ANTXR2: variants seen among roughly 807,000 people sequenced by gnomAD.
ANTXR2 encodes anthrax toxin receptor 2.
Under a neutral mutation model 73.7 loss-of-function variants are expected in ANTXR2, and 44 were observed. That is an observed-to-expected ratio of 0.60 (90% CI 0.47 to 0.77). The LOEUF (loss-of-function observed/expected upper bound fraction) is 0.77. Ranked by LOEUF, ANTXR2 falls within the 30% of genes least tolerant of loss-of-function variation. ANTXR2 has a pLI of 0.00. For synonymous variants in ANTXR2, 217 were observed against 205.9 expected (o/e 1.05, Z -0.46); for missense variants, 604 against 592.5 (o/e 1.02, Z -0.20).
At chr4:80,001,671 T>C (rs1731048037) in intron 12 of ANTXR2, among the ~76,000 whole-genome samples, 1 of 150,748 alleles carries the variant, frequency 6.6e-6, no homozygotes, top group Admixed American at 6.7e-5. Flanking sequence ...CCATTATTAT[T>C]GTGTGGGAGT....
chr4:79,952,642 TATTA>T (rs1026685925), intron 16 of ANTXR2, among the ~76,000 whole-genome samples: 10 of 152,030 alleles, frequency 6.6e-5, no homozygotes, highest in Non-Finnish European at 7.4e-5. Flanking sequence ...TCATTAATAC[TATTA>T]ATTAATCCAA....
chr4:79,993,760 G>GCGCACA (rs71662888), intron 12 of ANTXR2, among the ~76,000 whole-genome samples: 127 of 140,766 alleles, frequency 9.0e-4, no homozygotes, highest in Middle Eastern at 3.8e-3. Context: ...ACACACACAC[G>GCGCACA]CACACACACA....
rs545327307 is a variant in ANTXR2, at chr4:80,012,672, T to G, written c.946-4056A>C. 1.4e-4 allele frequency among the ~76,000 whole-genome samples: 22 copies of G among 152,274 alleles called. No individual in the cohort carries two copies. In the South Asian group the frequency reaches 4.6e-3, roughly 32 times the overall value. On this transcript the variant is annotated intron_variant, in intron 11 of 16. Coordinates refer to ENST00000403729, the MANE Select transcript of ANTXR2 (RefSeq NM_058172.6). ...TGGGGGAGACAGACGTGGGTTCAAT[T>G]CTGAATTATAGCATTTATCAGACTG...
chr4:80,063,433 AT>A (rs11321139), intron 3 of ANTXR2, among the ~76,000 whole-genome samples: 89,204 of 151,432 alleles, frequency 0.59, 27,251 homozygotes, highest in African/African-American at 0.74. Context: ...TAATTTCAGC[AT>A]TTTTTTTTAT....
At chr4:79,996,361 G>T (rs1376536721) in intron 12 of ANTXR2, among the ~76,000 whole-genome samples, 1 of 151,870 alleles carries the variant, frequency 6.6e-6, no homozygotes, top group Non-Finnish European at 1.5e-5. Flanking sequence ...ATGGATGAAT[G>T]AATGAATTGA....
At chr4:80,046,039 G>A (rs1733500771) in intron 7 of ANTXR2, among the ~76,000 whole-genome samples, 1 of 151,694 alleles carries the variant, frequency 6.6e-6, no homozygotes, top group Non-Finnish European at 1.5e-5. Flanking sequence ...TGTCTTGCAA[G>A]TAAGCAAGGA....
rs973465044 is a variant in ANTXR2, at chr4:80,033,482, T to G, written c.786A>C (p.Thr262=). 6 of 1,598,998 alleles carry G rather than the reference T, an allele frequency of 3.8e-6. No homozygotes were observed. Among genetic ancestry groups the G allele is most frequent in the Non-Finnish European group, 4.3e-6 (5 of 1,173,738 alleles). Residue 262 remains threonine (T), a synonymous_variant, in exon 9 of 17, where the codon ACA becomes ACC. Transcript: ENST00000403729. ...SVLCTYTVNE[T]YTTSVKPVSV... is the part of the protein sequence containing the mutation. ...TTACTGGGGACCTACTCGTTGTATA[T>G]GTTTCATTTACAGTGTAAGTGCAGA... is the stretch of plus-strand genomic sequence containing the variant.
At chr4:79,954,455 T>C (rs1400881227) in intron 16 of ANTXR2, among the ~76,000 whole-genome samples, 5 of 152,094 alleles carry the variant, frequency 3.3e-5, no homozygotes, top group Admixed American at 6.6e-5. Context: ...TAAAAATTTG[T>C]AATTAAAAAC....
chr4:80,043,576 T>C (rs1733378422), intron 7 of ANTXR2, among the ~76,000 whole-genome samples: 1 of 152,030 alleles, frequency 6.6e-6, no homozygotes, highest in African/African-American at 2.4e-5. Flanking sequence ...ATTTATACAG[T>C]TCAGATAAGC....
chr4:79,981,633 A>C (rs370080179), intron 14 of ANTXR2, among the ~76,000 whole-genome samples: 4 of 152,284 alleles, frequency 2.6e-5, no homozygotes, highest in African/African-American at 9.6e-5. Context: ...AATGTCCTGA[A>C]ATCTGAAAAA....
chr4:80,032,458 G>T (rs1317577340), intron 9 of ANTXR2, among the ~76,000 whole-genome samples: 1 of 151,788 alleles, frequency 6.6e-6, no homozygotes, highest in African/African-American at 2.4e-5. Context: ...AAGAGAGTTT[G>T]TAAATTTTTG....
At chr4:79,980,920 TTAA>T (rs1264586796) in intron 14 of ANTXR2, among the ~76,000 whole-genome samples, 3 of 77,548 alleles carry the variant, frequency 3.9e-5, no homozygotes, top group Admixed American at 1.7e-4. Flanking sequence ...TTTAAGGGCT[TTAA>T]AAAAAAAAAA....
chr4:79,953,461 T>C (rs1728781106), intron 16 of ANTXR2, among the ~76,000 whole-genome samples: 1 of 152,130 alleles, frequency 6.6e-6, no homozygotes, highest in African/African-American at 2.4e-5. Context: ...AAGAGGGAAT[T>C]ATAAATAATA....
At chr4:79,933,599 G>A (rs1471125208) in intron 16 of ANTXR2, among the ~76,000 whole-genome samples, 1 of 151,812 alleles carries the variant, frequency 6.6e-6, no homozygotes, top group Non-Finnish European at 1.5e-5. Context: ...TGTGCACAAC[G>A]TGCAGGTTTG....
chr4:80,026,292 C>T (rs1732436142), intron 10 of ANTXR2, among the ~76,000 whole-genome samples: 1 of 152,106 alleles, frequency 6.6e-6, no homozygotes, highest in Non-Finnish European at 1.5e-5. Context: ...ACTTCTCTCT[C>T]CTGCCACCAT....
intron 3 of ANTXR2, among the ~76,000 whole-genome samples, chr4:80,057,555 A>G (rs1301251702): frequency 6.6e-6 from 1 of 151,730 alleles, no homozygotes; most frequent in Non-Finnish European, 1.5e-5. Flanking sequence ...TTCCTGGTTC[A>G]CTCATCTCTA....
At chr4:80,004,150 C>G (rs921130176) in intron 12 of ANTXR2, among the ~76,000 whole-genome samples, 1 of 150,274 alleles carries the variant, frequency 6.7e-6, no homozygotes, top group African/African-American at 2.4e-5. Flanking sequence ...TGAAAAAAAG[C>G]CAGTCTCAAA....
At chr4:80,050,019 T>A (rs1286428601) in intron 7 of ANTXR2, among the ~76,000 whole-genome samples, 1 of 151,728 alleles carries the variant, frequency 6.6e-6, no homozygotes, top group Non-Finnish European at 1.5e-5. Context: ...ATCCTTGACC[T>A]AGTTCCATTG....
intron 7 of ANTXR2, among the ~76,000 whole-genome samples, chr4:80,036,479 G>A (rs573192096): frequency 6.6e-6 from 1 of 152,134 alleles, no homozygotes; most frequent in South Asian, 2.1e-4. Flanking sequence ...TGCTGACTGG[G>A]TGCGGTGGTT....
Sources: allele counts gnomAD v4.1 joint callset (sites outside exome capture counted in the v4.1 genomes callset), GRCh38; gene constraint gnomAD v4.1.1; transcripts MANE v1.5; gene names NCBI Gene and HGNC (gene_info 2026-07-23, HGNC 2026-07-21).